The following ESCO2 variants were observed in gnomAD, a reference collection of about 807,000 sequenced individuals.
ESCO2 encodes N-acetyltransferase ESCO2.
In ESCO2, 51 loss-of-function variants were observed where a neutral mutation model predicts 61.7. The observed-to-expected ratio is 0.83, with a 90% CI of 0.66 to 1.04. ESCO2 has a LOEUF of 1.04. Among genes scored for constraint, ESCO2 ranks in the 50% least tolerant of loss-of-function variants. ESCO2 has a pLI of 0.00. For synonymous variants in ESCO2, 230 were observed against 238.2 expected (o/e 0.97, Z 0.32); for missense variants, 692 against 686.2 (o/e 1.01, Z -0.09).
chr8:27,777,080 A>T lies in ESCO2; in HGVS notation c.772A>T (p.Arg258Trp). The stretch of plus-strand genomic sequence containing the variant: ...CAGTGAAAAAAAAACTTTTGCGACA[A>T]GGCAAGTGCCAAAGTGCTTGGTCCT... ...TVSEKKTFAT[R>W]QVPKCLVLEE... The change falls in exon 3 of 11, where the codon AGG (arginine) becomes TGG (tryptophan). Residue 258 changes from arginine (R) to tryptophan (W), a missense_variant. Coordinates refer to ENST00000305188, the MANE Select transcript of ESCO2 (RefSeq NM_001017420.3). 6.2e-7 allele frequency: 1 copy of T among 1,604,548 alleles called. No homozygotes were observed.
chr8:27,786,829 G>A (rs1416883857), intron 5 of ESCO2, among the ~76,000 whole-genome samples: 1 of 46,254 alleles, frequency 2.2e-5, no homozygotes, highest in Admixed American at 2.2e-4. Context: ...TTTTTTTCCT[G>A]TTGTTTGAAC....
chr8:27,778,202 T>C (rs1161612094), intron 3 of ESCO2: 1 of 152,226 alleles, frequency 6.6e-6, no homozygotes, highest in Non-Finnish European at 1.5e-5. Flanking sequence ...TTGACAAATA[T>C]GGGTTCTTCA....
rs1805381423 is a variant in ESCO2, at chr8:27,799,657, C to G, written c.1614C>G (p.Ile538Met). The stretch of plus-strand genomic sequence containing the variant: ...CTGCAGTCTGTGGGATAAGTAGAAT[C>G]TGGGTTTTCAGACTGAAGAGAAGAA... ...PEPAVCGISR[I>M]WVFRLKRRKR... Residue 538 changes from isoleucine to methionine, a missense_variant, in exon 10 of 11, where the codon ATC becomes ATG. Physicochemically the swap from Ile to Met is conservative, Grantham distance 10. Transcript: ENST00000305188. The G allele has an allele frequency of 3.1e-6, 5 of 1,613,802 alleles. No individual in the cohort carries two copies. The highest frequency in any genetic ancestry group is 4.2e-6 in the Non-Finnish European group (5 of 1,179,972).
intron 9 of ESCO2, among the ~76,000 whole-genome samples, chr8:27,798,981 T>A (rs1805363559): frequency 6.6e-6 from 1 of 152,176 alleles, no homozygotes; most frequent in African/African-American, 2.4e-5. Flanking sequence ...TGATTAAGTG[T>A]CATGAAACTA....
intron 4 of ESCO2, 98 bp from the exon 5 acceptor site, chr8:27,783,902 C>T (rs1317387721): frequency 9.0e-7 from 1 of 1,110,222 alleles, no homozygotes; most frequent in East Asian, 2.4e-5. Flanking sequence ...AAATCTTGAT[C>T]TTGAGTATTA....
chr8:27,785,618 T>A (rs1805022434), intron 5 of ESCO2, among the ~76,000 whole-genome samples: 1 of 147,958 alleles, frequency 6.8e-6, no homozygotes. Context: ...GAGACTAGCT[T>A]GAACCCAAGA....
Position 27,805,283 on chromosome 8 carries a change from G to A in ESCO2, c.*1845G>A, listed in dbSNP as rs1397008680. ...GGCCTGGGCGACAGAGCGAGACTCC[G>A]TCTCAAAAAAAAAAAAAAAAAAAAA... On this transcript the variant is annotated 3_prime_UTR_variant, in exon 11 of 11. Transcript: ENST00000305188. 3.0e-5 allele frequency: 1 copy of A among 32,988 alleles called. No homozygotes were observed. Among genetic ancestry groups the A allele is most frequent in the Admixed American group, 5.9e-4 (1 of 1,706 alleles). 2.0% of individuals were successfully genotyped at this position (32,988 alleles called of 1,614,324 possible). A position where few individuals can be genotyped will look rare whatever the true frequency, so the allele number is the denominator to read the frequency against.
intron 9 of ESCO2, among the ~76,000 whole-genome samples, chr8:27,793,890 A>T (rs889021322): frequency 1.3e-5 from 2 of 151,820 alleles, no homozygotes; most frequent in Non-Finnish European, 2.9e-5. Context: ...ACGTTTCCCC[A>T]TTTCTCCCAT....
At position 27,776,771 on chromosome 8, in the gene ESCO2, A is replaced by G. The variant is rs766549379; in HGVS notation, c.463A>G (p.Ile155Val). 12 of 1,614,050 alleles carry G rather than the reference A, an allele frequency of 7.4e-6. No individual in the cohort carries two copies. The South Asian group carries it at 1.3e-4, about 18-fold the overall frequency. ...TAKYQPKYRH[I>V]KPVSRNSRNS... Reference sequence around the variant, plus strand: ...TAAGTATCAACCAAAGTATAGACACATCAAGCCTGTATCAAGGAATTCTAG... The same window carrying G: ...TAAGTATCAACCAAAGTATAGACACGTCAAGCCTGTATCAAGGAATTCTAG... Residue 155 changes from isoleucine to valine, a missense_variant, in exon 3 of 11, where the codon ATC (isoleucine) becomes GTC (valine). Physicochemically the swap from Ile to Val is conservative, Grantham distance 29. Coordinates refer to ENST00000305188, the MANE Select transcript of ESCO2 (RefSeq NM_001017420.3).
At chr8:27,810,057 C>G, downstream of ESCO2, 1 of 441,124 alleles carries the variant, frequency 2.3e-6, no homozygotes, top group Non-Finnish European at 4.0e-6. Flanking sequence ...TGTTTTAAGT[C>G]AGCATGAGCA....
At position 27,788,101 on chromosome 8, in the gene ESCO2, C is replaced by T. The variant is rs1481137406; in HGVS notation, c.1131+99C>T. 1.5e-5 allele frequency: 12 copies of T among 812,502 alleles called. No homozygotes were observed. In the Admixed American group the frequency reaches 2.3e-4, roughly 15 times the overall value. 50.3% of individuals were successfully genotyped at this position (812,502 alleles called of 1,614,324 possible). A position where few individuals can be genotyped will look rare whatever the true frequency, so the allele number is the denominator to read the frequency against. The stretch of plus-strand genomic sequence containing the variant: ...GTTCAGAACTTGGTATTTTCAATGT[C>T]ATTAAGCAATGTTTTATGTGACAGA... On this transcript the variant is annotated intron_variant, in intron 6 of 10. Coordinates refer to ENST00000305188, the MANE Select transcript of ESCO2 (RefSeq NM_001017420.3).
chr8:27,782,461 G>A (rs928400522), intron 4 of ESCO2, among the ~76,000 whole-genome samples: 22 of 151,918 alleles, frequency 1.4e-4, no homozygotes, highest in African/African-American at 4.1e-4. Flanking sequence ...ACGGGGTTTC[G>A]CCACGTTGGG....
chr8:27,817,430 TA>T (rs201534070), downstream of ESCO2, among the ~76,000 whole-genome samples: 118 of 152,216 alleles, frequency 7.8e-4, 1 homozygote, highest in East Asian at 0.022. Context: ...GCATTTAAAA[TA>T]AGAAAAATAT....
intron 9 of ESCO2, among the ~76,000 whole-genome samples, chr8:27,795,142 C>A (rs1044103873): frequency 6.6e-6 from 1 of 152,172 alleles, no homozygotes; most frequent in Non-Finnish European, 1.5e-5. Context: ...TTAATTCTTT[C>A]AAGCCATGAA....
chr8:27,781,797 C>G (rs1259297786), intron 4 of ESCO2, among the ~76,000 whole-genome samples: 1 of 152,090 alleles, frequency 6.6e-6, no homozygotes, highest in Admixed American at 6.6e-5. Flanking sequence ...AGTGATCCCC[C>G]CACTTCAGCC....
intron 4 of ESCO2, among the ~76,000 whole-genome samples, chr8:27,783,778 A>G (rs1804975931): frequency 1.3e-5 from 2 of 152,082 alleles, no homozygotes; most frequent in African/African-American, 4.8e-5. Context: ...ATTTGAGTTA[A>G]TTTTACATAA....
At chr8:27,785,088 GGCTGAGA>G (rs1287212760) in intron 5 of ESCO2, among the ~76,000 whole-genome samples, 1 of 152,208 alleles carries the variant, frequency 6.6e-6, no homozygotes, top group Non-Finnish European at 1.5e-5. Context: ...CAGTTATAGA[GGCTGAGA>G]AGTTCGAGAT....
chr8:27,799,022 G>A (rs984399942), intron 9 of ESCO2, among the ~76,000 whole-genome samples: 1 of 152,064 alleles, frequency 6.6e-6, no homozygotes, highest in African/African-American at 2.4e-5. Flanking sequence ...GTAATTTCAT[G>A]GTTTTGGTAT....
chr8:27,794,488 TG>T (rs1198280280), intron 9 of ESCO2, among the ~76,000 whole-genome samples: 5 of 152,228 alleles, frequency 3.3e-5, no homozygotes, highest in Non-Finnish European at 7.3e-5. Context: ...TTATATATTT[TG>T]GATATTATCC....
Sources: gnomAD v4.1 joint callset for allele counts (sites outside exome capture counted in the v4.1 genomes callset) on GRCh38, gnomAD v4.1.1 for gene constraint, MANE v1.5 for transcripts, NCBI Gene and HGNC (gene_info 2026-07-23, HGNC 2026-07-21) for gene names.